Variants in EPHA5 observed in about 807,000 individuals in gnomAD.
The protein encoded by EPHA5 is EPH receptor A5, also known as ephrin type-A receptor 5.
EPHA5 carries 60 observed loss-of-function variants against 105.0 expected under a neutral mutation model. The ratio of observed to expected loss-of-function variants is 0.57; its 90% CI spans 0.46 to 0.71. EPHA5 has a LOEUF of 0.71. Ranked by LOEUF, EPHA5 falls within the 30% of genes least tolerant of loss-of-function variation. The pLI, the probability that EPHA5 is intolerant of heterozygous loss-of-function variation, is 0.00. For missense variants in EPHA5, 1,218 were observed against 1,274.7 expected (o/e 0.96, Z 0.68); for synonymous variants, 513 against 449.1 (o/e 1.14, Z -1.80).
chr4:65,518,602 AG>A (rs1358514526), intron 3 of EPHA5, among the ~76,000 whole-genome samples: 1 of 152,052 alleles, frequency 6.6e-6, no homozygotes, highest in Non-Finnish European at 1.5e-5. Context: ...TAACTAGCCT[AG>A]TTTGACATGC....
At chr4:65,605,053 G>A (rs929875408) in intron 2 of EPHA5, among the ~76,000 whole-genome samples, 1 of 152,152 alleles carries the variant, frequency 6.6e-6, no homozygotes, top group Non-Finnish European at 1.5e-5. Context: ...CATCCCCTGA[G>A]CCCATGCTTT....
intron 3 of EPHA5, among the ~76,000 whole-genome samples, chr4:65,505,282 C>T (rs1732896874): frequency 6.6e-6 from 1 of 151,994 alleles, no homozygotes; most frequent in Non-Finnish European, 1.5e-5. Context: ...AAAAAGATAT[C>T]TATCTGAATG....
rs1416489346 is a variant in EPHA5, at chr4:65,525,863, A to T, written c.911-30320T>A. On this transcript the variant is annotated intron_variant, in intron 3 of 16. Coordinates refer to ENST00000613740, the MANE Select transcript of EPHA5 (RefSeq NM_001281766.3). The stretch of plus-strand genomic sequence containing the variant: ...CAGAATCTGTATTTCTGTTTCTCAA[A>T]CAATGAACAAAGACTTTTAAAAATC... Among the ~76,000 whole-genome samples, 3 of 151,886 alleles carry T rather than the reference A, an allele frequency of 2.0e-5. No individual in the cohort carries two copies. The East Asian group carries it at 5.8e-4, about 29-fold the overall frequency.
At chr4:65,404,323 G>A (rs373457743) in intron 8 of EPHA5, 51 bp downstream of exon 8, 21 of 1,494,774 alleles carry the variant, frequency 1.4e-5, no homozygotes, top group Middle Eastern at 1.7e-4. Flanking sequence ...TCAGATCAAG[G>A]TGAGGAAGAG....
intron 1 of EPHA5, among the ~76,000 whole-genome samples, chr4:65,662,860 G>A (rs1371313548): frequency 6.6e-6 from 1 of 151,860 alleles, no homozygotes; most frequent in African/African-American, 2.4e-5. Flanking sequence ...CACACACTCA[G>A]CACACACCCA....
intron 11 of EPHA5, among the ~76,000 whole-genome samples, chr4:65,355,086 T>G (rs1302147679): frequency 6.6e-6 from 1 of 151,702 alleles, no homozygotes; most frequent in African/African-American, 2.4e-5. Flanking sequence ...ATCTGCACCT[T>G]GAAGAGTGCA....
chr4:65,480,943 A>G (rs888860239), intron 5 of EPHA5, among the ~76,000 whole-genome samples: 1 of 152,088 alleles, frequency 6.6e-6, no homozygotes, highest in African/African-American at 2.4e-5. Flanking sequence ...GGAATATAGG[A>G]TCAGTGATCA....
At chr4:65,433,143 AT>A (rs1205830972) in intron 5 of EPHA5, among the ~76,000 whole-genome samples, 3 of 152,182 alleles carry the variant, frequency 2.0e-5, no homozygotes, top group Non-Finnish European at 4.4e-5. Context: ...GAAGCAGATT[AT>A]TCTTAGTTCA....
intron 11 of EPHA5, among the ~76,000 whole-genome samples, chr4:65,353,453 C>A (rs915311669): frequency 1.3e-5 from 2 of 149,946 alleles, no homozygotes; most frequent in African/African-American, 4.9e-5. Context: ...ATGGTTGAGT[C>A]AGTGAGAAAA....
At chr4:65,601,547 TA>T in intron 3 of EPHA5, 93 bp downstream of exon 3, 2 of 1,228,888 alleles carry the variant, frequency 1.6e-6, no homozygotes, top group Non-Finnish European at 2.3e-6. Context: ...ATTAGCAAAG[TA>T]AAAGGTCATT....
intron 5 of EPHA5, among the ~76,000 whole-genome samples, chr4:65,456,990 AG>A (rs1259603643): frequency 6.6e-6 from 1 of 152,180 alleles, no homozygotes; most frequent in African/African-American, 2.4e-5. Context: ...TTGTTTTATT[AG>A]GGTATAATGC....
intron 3 of EPHA5, among the ~76,000 whole-genome samples, chr4:65,577,009 T>A (rs1741126810): frequency 1.3e-5 from 2 of 152,194 alleles, no homozygotes. Context: ...AGTCCCAGTG[T>A]TCTTGAACAG....
At position 65,321,748 on chromosome 4, in the gene EPHA5, A is replaced by C. The variant is rs1371228860; in HGVS notation, c.*2366T>G. 4.4e-6 allele frequency: 1 copy of C among 228,260 alleles called. No individual in the cohort carries two copies. The highest frequency in any genetic ancestry group is 8.7e-6 in the Non-Finnish European group (1 of 114,972). 14.1% of individuals were successfully genotyped at this position (228,260 alleles called of 1,614,324 possible). A position where few individuals can be genotyped will look rare whatever the true frequency, so the allele number is the denominator to read the frequency against. On this transcript the variant is annotated 3_prime_UTR_variant, in exon 17 of 17. Coordinates refer to ENST00000613740, the MANE Select transcript of EPHA5 (RefSeq NM_001281766.3). Reference sequence around the variant, plus strand: ...CTTAAAGTTCTAGTCATTTAGATACACTCCACCCGGACCTCCTAATTATCT... The same window carrying C: ...CTTAAAGTTCTAGTCATTTAGATACCCTCCACCCGGACCTCCTAATTATCT...
At chr4:65,385,062 A>T (rs1039744436) in intron 8 of EPHA5, among the ~76,000 whole-genome samples, 5 of 151,816 alleles carry the variant, frequency 3.3e-5, no homozygotes, top group African/African-American at 9.7e-5. Flanking sequence ...TATTTTGAGA[A>T]AAGGAGAGAA....
chr4:65,323,266 A>T lies in EPHA5; in HGVS notation c.*848T>A, dbSNP rs80050373. 2 of 229,380 alleles carry T rather than the reference A, an allele frequency of 8.7e-6. No homozygotes were observed. The highest frequency in any genetic ancestry group is 1.2e-4 in the East Asian group (2 of 16,218). The allele number at this position is 229,380 out of a possible 1,614,324, so 14.2% of individuals were successfully genotyped here. A position where few individuals can be genotyped will look rare whatever the true frequency, so the allele number is the denominator to read the frequency against. On this transcript the variant is annotated 3_prime_UTR_variant, in exon 17 of 17. Coordinates refer to ENST00000613740, the MANE Select transcript of EPHA5 (RefSeq NM_001281766.3). ...ACAAGCTTGTGTTAAATTTTGTTTTACTGCTTCCCTATTTCTCCTATTCAT... is the reference window on the plus strand; with the variant it reads ...ACAAGCTTGTGTTAAATTTTGTTTTTCTGCTTCCCTATTTCTCCTATTCAT...
chr4:65,415,370 A>C lies in EPHA5; in HGVS notation c.1528-927T>G, dbSNP rs139987912. 4.8e-4 allele frequency among the ~76,000 whole-genome samples: 73 copies of C among 152,222 alleles called. 1 individual carries two copies. The highest frequency in any genetic ancestry group is 1.7e-3 in the African/African-American group (71 of 41,578). On this transcript the variant is annotated intron_variant, in intron 6 of 16. Coordinates refer to ENST00000613740, the MANE Select transcript of EPHA5 (RefSeq NM_001281766.3). ...TATGTGAAAACAGTTCATAAACTAC[A>C]ATATATGTTTTAATTTTCATAATTA...
chr4:65,464,212 C>A (rs1471691323), intron 5 of EPHA5, among the ~76,000 whole-genome samples: 3 of 151,908 alleles, frequency 2.0e-5, no homozygotes, highest in Admixed American at 1.3e-4. Context: ...AATTGACCCT[C>A]AATTTTACTC....
chr4:65,560,627 C>T (rs1738910471), intron 3 of EPHA5, among the ~76,000 whole-genome samples: 1 of 152,014 alleles, frequency 6.6e-6, no homozygotes, highest in Non-Finnish European at 1.5e-5. Flanking sequence ...TTTATTTCTA[C>T]TCACTGTCAG....
chr4:65,659,212 C>T (rs1749324417), intron 1 of EPHA5, among the ~76,000 whole-genome samples: 1 of 150,392 alleles, frequency 6.6e-6, no homozygotes, highest in Admixed American at 6.7e-5. Context: ...ATAGATAGCA[C>T]TTCTTAAACA....
Sources: allele counts gnomAD v4.1 joint callset (sites outside exome capture counted in the v4.1 genomes callset), GRCh38; gene constraint gnomAD v4.1.1; transcripts MANE v1.5; gene names NCBI Gene and HGNC (gene_info 2026-07-23, HGNC 2026-07-21).